The following EMSY variants were observed in gnomAD, a reference collection of about 807,000 sequenced individuals.
The protein encoded by EMSY is EMSY transcriptional repressor, BRCA2 interacting.
In EMSY, 26 loss-of-function variants were observed where a neutral mutation model predicts 134.6. The ratio of observed to expected loss-of-function variants is 0.19; its 90% CI spans 0.14 to 0.27. The LOEUF is 0.27. Ranked by LOEUF, EMSY falls within the 10% of genes least tolerant of loss-of-function variation. The pLI is 1.00. For synonymous variants in EMSY, 579 were observed against 577.8 expected (o/e 1.00, Z -0.03); for missense variants, 1,305 against 1,611.4 (o/e 0.81, Z 3.26).
At chr11:76,458,077 CAG>C in intron 4 of EMSY, 104 bp from the exon 6 acceptor site, 1 of 1,022,280 alleles carries the variant, frequency 9.8e-7, no homozygotes, top group East Asian at 2.8e-5. Flanking sequence ...CCTATTCACT[CAG>C]GGCACTTTTT....
At chr11:76,447,099 T>G in intron 2 of EMSY, 91 bp downstream of exon 2, 2 of 1,172,284 alleles carry the variant, frequency 1.7e-6, no homozygotes, top group East Asian at 4.8e-5. Flanking sequence ...ATGTCATATC[T>G]CACGCTACAT....
chr11:76,502,044 G>GA (rs57263473), intron 9 of EMSY, among the ~76,000 whole-genome samples: 6,870 of 92,984 alleles, frequency 0.074, 238 homozygotes, highest in African/African-American at 0.11. Flanking sequence ...CATTTGAAAT[G>GA]AAAAAAAAAA....
At chr11:76,500,595 C>T (rs1949823999) in intron 9 of EMSY, among the ~76,000 whole-genome samples, 1 of 152,176 alleles carries the variant, frequency 6.6e-6, no homozygotes, top group Admixed American at 6.5e-5. Context: ...ATTCGGATTA[C>T]AGAGTAATGT....
chr11:76,453,141 T>C (rs529649669), intron 3 of EMSY, among the ~76,000 whole-genome samples, 173 bp from the exon 4 acceptor site: 18 of 152,318 alleles, frequency 1.2e-4, no homozygotes, highest in African/African-American at 4.3e-4. Flanking sequence ...TATGAATCCT[T>C]TTCTAAGATG....
At chr11:76,513,285 A>G in intron 9 of EMSY, 101 bp from the exon 11 acceptor site, 1 of 1,094,330 alleles carries the variant, frequency 9.1e-7, no homozygotes, top group Non-Finnish European at 1.2e-6. Flanking sequence ...CTCTTTAGAC[A>G]AGACTGAGTA....
chr11:76,517,510 A>G (rs1950489595), intron 11 of EMSY, among the ~76,000 whole-genome samples: 1 of 152,184 alleles, frequency 6.6e-6, no homozygotes, highest in African/African-American at 2.4e-5. Context: ...GTAGTTTTTT[A>G]TGACCTTAAG....
chr11:76,458,450 T>A, intron 5 of EMSY, 92 bp downstream of exon 6: 1 of 1,289,080 alleles, frequency 7.8e-7, no homozygotes, highest in Non-Finnish European at 1.0e-6. Flanking sequence ...TCATCTACTT[T>A]TATTCTAGTG....
intron 8 of EMSY, among the ~76,000 whole-genome samples, chr11:76,473,468 G>A (rs1565292524): frequency 6.6e-6 from 1 of 151,564 alleles, no homozygotes; most frequent in African/African-American, 2.4e-5. Flanking sequence ...CACCATACCC[G>A]GCTATTTTTT....
chr11:76,462,665 A>G (rs1418939243), intron 6 of EMSY, among the ~76,000 whole-genome samples: 1 of 152,216 alleles, frequency 6.6e-6, no homozygotes, highest in Admixed American at 6.5e-5. Context: ...ACAATAGTAT[A>G]TGGATACTCA....
At chr11:76,450,526 C>T (rs553481759) in intron 2 of EMSY, among the ~76,000 whole-genome samples, 230 of 150,294 alleles carry the variant, frequency 1.5e-3, no homozygotes, top group African/African-American at 5.3e-3. Context: ...GAGTCTTACT[C>T]TGTCACCCAG....
intron 7 of EMSY, among the ~76,000 whole-genome samples, chr11:76,467,074 A>C (rs112049551): frequency 0.012 from 1,867 of 152,298 alleles, 29 homozygotes; most frequent in African/African-American, 0.041. Flanking sequence ...TCATATATAG[A>C]AATTAACTAT....
chr11:76,501,622 TCAATAG>T, intron 9 of EMSY, among the ~76,000 whole-genome samples: 1 of 151,948 alleles, frequency 6.6e-6, no homozygotes, highest in South Asian at 2.1e-4. Flanking sequence ...TGAAAAACGA[TCAATAG>T]AGGTTATGTG....
intron 20 of EMSY, among the ~76,000 whole-genome samples, chr11:76,549,420 A>G (rs553314955): frequency 2.6e-5 from 4 of 152,336 alleles, no homozygotes; most frequent in African/African-American, 9.6e-5. Flanking sequence ...TACCTATGAT[A>G]TTTACTTACA....
rs1305321212 is a variant in EMSY at position 76,523,288 on chromosome 11, T to C, written c.1818T>C (p.Ala606=). The C allele has an allele frequency of 1.9e-6, 3 of 1,609,702 alleles. No homozygotes were observed. In the Admixed American group the frequency reaches 5.1e-5, roughly 27 times the overall value. The change falls in exon 12 of 21, where the codon GCT becomes GCC. Residue 606 remains alanine, a synonymous_variant. Transcript: ENST00000334736. ...ATGTTGTCACAACGTTGCTAAATGC[T>C]GGAGTAAGTGAGAGCTTCAACTGCA...
chr11:76,552,708 T>C (rs1175142743), downstream of EMSY: 1 of 152,200 alleles, frequency 6.6e-6, no homozygotes, highest in South Asian at 2.1e-4. Context: ...TTAATGGTTT[T>C]AGTATATCCA....
At chr11:76,494,673 TC>T (rs1949562661) in intron 8 of EMSY, among the ~76,000 whole-genome samples, 2 of 27,328 alleles carry the variant, frequency 7.3e-5, no homozygotes, top group Middle Eastern at 0.012. Flanking sequence ...CTTCCTTCCT[TC>T]CTTCCTTCCT....
chr11:76,450,000 G>A (rs1321318485), intron 2 of EMSY, among the ~76,000 whole-genome samples: 4 of 150,908 alleles, frequency 2.7e-5, no homozygotes, highest in Non-Finnish European at 4.4e-5. Context: ...GTTACTGGAA[G>A]TTACTGGAAT....
chr11:76,543,774 TGGGGA>T (rs1301961276), intron 18 of EMSY, among the ~76,000 whole-genome samples: 3 of 152,126 alleles, frequency 2.0e-5, no homozygotes, highest in South Asian at 2.1e-4. Context: ...GGGCTCTCTG[TGGGGA>T]CTGGTACAGG....
chr11:76,460,125 A>G, intron 6 of EMSY, 40 bp downstream of exon 7: 2 of 1,606,596 alleles, frequency 1.2e-6, no homozygotes, highest in Non-Finnish European at 8.5e-7. Flanking sequence ...CTTCTTGGCT[A>G]AATGCTGCAG....
Sources: allele counts gnomAD v4.1 joint callset (sites outside exome capture counted in the v4.1 genomes callset), GRCh38; gene constraint gnomAD v4.1.1; transcripts MANE v1.5; gene names NCBI Gene and HGNC (gene_info 2026-07-23, HGNC 2026-07-21).